EPG5: variants seen among roughly 807,000 people sequenced by gnomAD.
The protein encoded by EPG5 is ectopic P granules protein 5 homolog.
Under a neutral mutation model 302.7 loss-of-function variants are expected in EPG5, and 159 were observed. The observed-to-expected ratio is 0.53, with a 90% confidence interval of 0.46 to 0.60. EPG5 has a LOEUF of 0.60. Ranked by LOEUF, EPG5 falls within the 20% of genes least tolerant of loss-of-function variation. The pLI is 0.00. For missense variants in EPG5, 2,896 were observed against 3,092.4 expected (o/e 0.94, Z 1.51); for synonymous variants, 1,158 against 1,136.8 (o/e 1.02, Z -0.37).
chr18:45,937,235 T>TACACAC lies in EPG5; in HGVS notation c.2100-2275_2100-2270dup, dbSNP rs57593059. On this transcript the variant is annotated intron_variant, in intron 10 of 43. Coordinates refer to ENST00000282041, the MANE Select transcript of EPG5 (RefSeq NM_020964.3). Reference sequence around the variant, plus strand: ...AGTCTGGCATATATATACATATATATACACACACACACACACACACACACA... The same window carrying TACACAC: ...AGTCTGGCATATATATACATATATATACACACACACACACACACACACACACACACA... Among the ~76,000 whole-genome samples the TACACAC allele has an allele frequency of 2.3e-3, 310 of 136,840 alleles. 1 individual carries two copies. Among genetic ancestry groups the TACACAC allele is most frequent in the Middle Eastern group, 0.015 (4 of 272 alleles). The allele number at this position is 136,840 out of a possible 152,430, so 89.8% of individuals were successfully genotyped here.
chr18:45,923,130 A>C, intron 15 of EPG5, 138 bp downstream of exon 15: 1 of 880,700 alleles, frequency 1.1e-6, no homozygotes, highest in Middle Eastern at 2.9e-4. Flanking sequence ...AAACCATAGA[A>C]GTCAATTATA....
rs2050192240 is a variant in EPG5, at chr18:45,923,048, T to C, written c.2838+220A>G. ...GTACAACCAAGCTCTAACACACCAC[T>C]GCAGTTCAATTCAAATTCTGTAATA... On this transcript the variant is annotated intron_variant, in intron 15 of 43. Transcript: ENST00000282041. Among the ~76,000 whole-genome samples, 5 of 152,228 alleles carry C rather than the reference T, an allele frequency of 3.3e-5. No individual in the cohort carries two copies. The South Asian group carries it at 1.0e-3, about 31-fold the overall frequency.
chr18:45,871,513 G>C (rs1251260273), intron 35 of EPG5, among the ~76,000 whole-genome samples: 1 of 152,184 alleles, frequency 6.6e-6, no homozygotes, highest in Non-Finnish European at 1.5e-5. Context: ...CAATAGCCAA[G>C]ATATGGAAAC....
intron 43 of EPG5, among the ~76,000 whole-genome samples, chr18:45,853,178 C>T (rs922451358): frequency 7.9e-5 from 12 of 152,136 alleles, no homozygotes; most frequent in African/African-American, 2.4e-4. Context: ...AACTGTCTAA[C>T]GGAAAGGAAT....
chr18:45,852,779 A>C, intron 43 of EPG5, 130 bp from the exon 44 acceptor site: 1 of 781,476 alleles, frequency 1.3e-6, no homozygotes, highest in South Asian at 1.7e-5. Flanking sequence ...TACAGAACTG[A>C]GGCCAGGAGT....
At chr18:45,907,452 C>T (rs913146381) in intron 24 of EPG5, among the ~76,000 whole-genome samples, 11 of 152,080 alleles carry the variant, frequency 7.2e-5, no homozygotes, top group African/African-American at 1.7e-4. Context: ...TTAGGACATA[C>T]GAAGACTGAA....
chr18:45,871,292 A>G (rs1355328130), intron 35 of EPG5, among the ~76,000 whole-genome samples: 1 of 152,248 alleles, frequency 6.6e-6, no homozygotes, highest in Non-Finnish European at 1.5e-5. Context: ...AGTGTTAGAG[A>G]GGATCTGGAG....
chr18:45,930,322 G>T (rs1052283111), intron 12 of EPG5, among the ~76,000 whole-genome samples: 13 of 152,112 alleles, frequency 8.5e-5, no homozygotes, highest in African/African-American at 3.1e-4. Flanking sequence ...ATTTAAACTG[G>T]CTGGGAAGCT....
At position 45,855,644 on chromosome 18, in the gene EPG5, G is replaced by C. The variant is rs370315826; in HGVS notation, c.7486C>G (p.Gln2496Glu). ...ARSMAAFLSV[Q>E]VPMEDQIRLR... ...CGGATCTGATCTTCCATAGGAACCT[G>C]AACTGAAAGGAAGGCAGCCATGCTT... Residue 2496 changes from glutamine (Q) to glutamate (E), a missense_variant, in exon 43 of 44, where the codon CAG becomes GAG. By Grantham distance (29) the Gln-to-Glu change is conservative. Transcript: ENST00000282041. The C allele has an allele frequency of 6.2e-6, 10 of 1,614,066 alleles. No individual in the cohort carries two copies. The highest frequency in any genetic ancestry group is 8.5e-6 in the Non-Finnish European group (10 of 1,180,024).
chr18:45,858,464 A>T, intron 41 of EPG5, 102 bp downstream of exon 41: 1 of 806,516 alleles, frequency 1.2e-6, no homozygotes, highest in Middle Eastern at 3.5e-4. Context: ...CTTATTTTTT[A>T]TGCACCTCTT....
chr18:45,922,275 G>T, intron 16 of EPG5, 66 bp downstream of exon 16: 1 of 1,564,568 alleles, frequency 6.4e-7, no homozygotes, highest in Non-Finnish European at 8.7e-7. Flanking sequence ...CTTGGGATAT[G>T]AAACATAAAA....
chr18:45,936,739 A>T (rs1393275353), intron 10 of EPG5, among the ~76,000 whole-genome samples: 3 of 150,326 alleles, frequency 2.0e-5, no homozygotes, highest in Non-Finnish European at 3.0e-5. Context: ...AAAAAAAAAA[A>T]GGAAATCTGC....
At chr18:45,953,303 G>C (rs1483589788) in intron 2 of EPG5, 17 of 984,944 alleles carry the variant, frequency 1.7e-5, no homozygotes, top group Admixed American at 1.2e-4. Flanking sequence ...AAAACTTCAA[G>C]GTATCTCAAA....
rs779393410 is a variant in EPG5, at chr18:45,870,618, C to T, written c.6174G>A (p.Leu2058=). ...GGTCAGGGTGCAGGTCCTTCCATGG[C>T]AGTTTCCGGTACGTGCTATGGAAAG... ...LYAFHSTYRK[L]PWKDLHPDQM... Residue 2058 remains leucine (L), a synonymous_variant, in exon 36 of 44, where the codon CTG becomes CTA. Transcript: ENST00000282041. 1.9e-6 allele frequency: 3 copies of T among 1,614,016 alleles called. No individual in the cohort carries two copies. In the Admixed American group the frequency reaches 5.0e-5, roughly 27 times the overall value.
At chr18:45,926,407 T>C (rs1446792941) in intron 13 of EPG5, among the ~76,000 whole-genome samples, 2 of 152,162 alleles carry the variant, frequency 1.3e-5, no homozygotes, top group Non-Finnish European at 2.9e-5. Context: ...TGATAGGCCA[T>C]TATACCATAC....
At chr18:45,829,144 A>G in the EPG5 span, 1 of 985,438 alleles carries the variant, frequency 1.0e-6, no homozygotes. Flanking sequence ...CAGGCCCCAC[A>G]GCAGGGTCAG....
Position 45,850,981 on chromosome 18 carries a change from G to T in EPG5, c.*1486C>A, listed in dbSNP as rs1001641845. 1 of 152,250 alleles carries T rather than the reference G, an allele frequency of 6.6e-6. No individual in the cohort carries two copies. Among genetic ancestry groups the T allele is most frequent in the Non-Finnish European group, 1.5e-5 (1 of 68,042 alleles). 9.4% of individuals were successfully genotyped at this position (152,250 alleles called of 1,614,324 possible). On this transcript the variant is annotated 3_prime_UTR_variant, in exon 44 of 44. Coordinates refer to ENST00000282041, the MANE Select transcript of EPG5 (RefSeq NM_020964.3). ...ATTTTGTGGCCTGTAAAACTCAAGA[G>T]ACTAAACAGGGATGTTCTTTATCAG...
rs1240410940 is a variant in EPG5, at chr18:45,851,671, G to C, written c.*796C>G. 6.6e-6 allele frequency: 1 copy of C among 152,232 alleles called. No individual in the cohort carries two copies. The allele number at this position is 152,232 out of a possible 1,614,324, so 9.4% of individuals were successfully genotyped here. A position where few individuals can be genotyped will look rare whatever the true frequency, so the allele number is the denominator to read the frequency against. On this transcript the variant is annotated 3_prime_UTR_variant, in exon 44 of 44. Coordinates refer to ENST00000282041, the MANE Select transcript of EPG5 (RefSeq NM_020964.3). Reference sequence around the variant, plus strand: ...GGCAAGTGATGTGAATGAGGCTAGGGTCAGGGCCCGAGGGAATGCACAGAC... The same window carrying C: ...GGCAAGTGATGTGAATGAGGCTAGGCTCAGGGCCCGAGGGAATGCACAGAC...
chr18:45,956,101 G>A (rs1219074170), intron 1 of EPG5, among the ~76,000 whole-genome samples: 1 of 152,200 alleles, frequency 6.6e-6, no homozygotes, highest in African/African-American at 2.4e-5. Flanking sequence ...AGTTTCAGTG[G>A]AGAATCCTGG....
Sources: gnomAD v4.1 joint callset for allele counts (sites outside exome capture counted in the v4.1 genomes callset) on GRCh38, gnomAD v4.1.1 for gene constraint, MANE v1.5 for transcripts, NCBI Gene and HGNC (gene_info 2026-07-23, HGNC 2026-07-21) for gene names.